The following USP34 variants were observed in gnomAD, a reference collection of about 807,000 sequenced individuals.
USP34 encodes ubiquitin specific peptidase 34, also known as ubiquitin carboxyl-terminal hydrolase 34.
In USP34, 70 loss-of-function variants were observed where a neutral mutation model predicts 460.3. The observed-to-expected ratio is 0.15, with a 90% CI of 0.13 to 0.19. The LOEUF is 0.19. USP34 is among the 10% of genes least tolerant of loss of function. The pLI, the probability that USP34 is intolerant of heterozygous loss-of-function variation, is 1.00. For synonymous variants in USP34, 1,647 were observed against 1,405.3 expected (o/e 1.17, Z -3.85); for missense variants, 3,985 against 4,236.2 (o/e 0.94, Z 1.65).
intron 34 of USP34, among the ~76,000 whole-genome samples, chr2:61,285,610 G>C (rs1161099362): frequency 1.3e-5 from 2 of 152,018 alleles, no homozygotes; most frequent in South Asian, 2.1e-4. Context: ...CACTGAACTG[G>C]GGGAAAGAAA....
Position 61,361,942 on chromosome 2 carries a change from G to C in USP34, c.1251+8379C>G, listed in dbSNP as rs962200561. ...AGGGGTTAATATCCAGAATATTTAA[G>C]AAACTCATACAACTCAATAGCAAAA... On this transcript the variant is annotated intron_variant, in intron 10 of 79. Coordinates refer to ENST00000398571, the MANE Select transcript of USP34 (RefSeq NM_014709.4). 4.0e-5 allele frequency among the ~76,000 whole-genome samples: 6 copies of C among 151,764 alleles called. No individual in the cohort carries two copies. In the East Asian group the frequency reaches 1.2e-3, roughly 29 times the overall value.
intron 49 of USP34, among the ~76,000 whole-genome samples, chr2:61,247,686 C>T (rs1688453627): frequency 6.6e-6 from 1 of 152,106 alleles, no homozygotes; most frequent in South Asian, 2.1e-4. Flanking sequence ...TGTCACTGCA[C>T]CTGTCTAATT....
intron 41 of USP34, among the ~76,000 whole-genome samples, chr2:61,275,214 G>A (rs772666145): frequency 4.6e-5 from 7 of 152,270 alleles, no homozygotes; most frequent in East Asian, 1.9e-4. Context: ...GGGAGGTGGA[G>A]GTTGCAGTGA....
chr2:61,193,359 G>GA (rs1431097635), intron 75 of USP34: 1 of 75,084 alleles, frequency 1.3e-5, no homozygotes, highest in Non-Finnish European at 2.4e-5. Context: ...GGGAGGAGGG[G>GA]AAAGGTAAAA....
At chr2:61,226,197 C>T (rs185049096) in intron 62 of USP34, among the ~76,000 whole-genome samples, 8 of 152,182 alleles carry the variant, frequency 5.3e-5, no homozygotes, top group African/African-American at 1.9e-4. Context: ...CAGCATACAC[C>T]GTGAAAAGTA....
chr2:61,269,694 C>T (rs1313805472), intron 41 of USP34, among the ~76,000 whole-genome samples: 1 of 152,108 alleles, frequency 6.6e-6, no homozygotes, highest in Non-Finnish European at 1.5e-5. Context: ...ACTCTGCTGG[C>T]TTGCAATCCA....
At chr2:61,253,295 C>T (rs989782445) in intron 48 of USP34, among the ~76,000 whole-genome samples, 3 of 152,210 alleles carry the variant, frequency 2.0e-5, no homozygotes, top group African/African-American at 7.2e-5. Flanking sequence ...TTATTCAATA[C>T]ATTTATTCCA....
intron 10 of USP34, among the ~76,000 whole-genome samples, chr2:61,351,659 A>G (rs1363313254): frequency 6.6e-6 from 1 of 152,192 alleles, no homozygotes; most frequent in Non-Finnish European, 1.5e-5. Context: ...GCATACACAT[A>G]TGAATTCTCT....
intron 75 of USP34, among the ~76,000 whole-genome samples, chr2:61,196,151 G>A (rs1355856528): frequency 7.1e-6 from 1 of 141,732 alleles, no homozygotes; most frequent in East Asian, 2.2e-4. Context: ...CGCGATCTCG[G>A]CTCACTGCAG....
At chr2:61,309,329 G>A (rs926373918) in intron 27 of USP34, among the ~76,000 whole-genome samples, 3 of 152,074 alleles carry the variant, frequency 2.0e-5, no homozygotes, top group Non-Finnish European at 4.4e-5. Flanking sequence ...CACACACAAA[G>A]ACAACCAATA....
chr2:61,377,815 A>G (rs1022725302), intron 8 of USP34, among the ~76,000 whole-genome samples: 2 of 152,214 alleles, frequency 1.3e-5, no homozygotes, highest in African/African-American at 4.8e-5. Context: ...TCAAGACTAA[A>G]TTCTCCAGTA....
chr2:61,466,435 A>G (rs564730497), intron 1 of USP34, among the ~76,000 whole-genome samples: 5 of 152,252 alleles, frequency 3.3e-5, no homozygotes, highest in Non-Finnish European at 7.4e-5. Context: ...CAAAAAAACA[A>G]TAATATATGA....
intron 33 of USP34, 99 bp from the exon 34 acceptor site, chr2:61,288,976 T>C (rs1410154487): frequency 5.9e-6 from 7 of 1,195,332 alleles, no homozygotes; most frequent in African/African-American, 3.1e-5. Flanking sequence ...AAAATAATTA[T>C]AGCTAGTACT....
At chr2:61,192,357 G>A (rs1261181514) in intron 76 of USP34, among the ~76,000 whole-genome samples, 1 of 152,202 alleles carries the variant, frequency 6.6e-6, no homozygotes, top group Non-Finnish European at 1.5e-5. Context: ...CATTATTTAT[G>A]CAGCCACTTA....
intron 3 of USP34, among the ~76,000 whole-genome samples, chr2:61,397,274 C>T (rs1693558259): frequency 6.6e-6 from 1 of 151,418 alleles, no homozygotes; most frequent in African/African-American, 2.4e-5. Context: ...GAAACCCTGT[C>T]TCTACTAAAA....
At chr2:61,247,133 G>T (rs918062175) in intron 49 of USP34, among the ~76,000 whole-genome samples, 3 of 152,048 alleles carry the variant, frequency 2.0e-5, no homozygotes, top group Non-Finnish European at 4.4e-5. Context: ...AAATATAAAG[G>T]TAATAAAAGA....
At chr2:61,232,587 G>A in intron 57 of USP34, 55 bp from the exon 58 acceptor site, 2 of 1,322,932 alleles carry the variant, frequency 1.5e-6, no homozygotes, top group Non-Finnish European at 2.1e-6. Context: ...TTGTTACATG[G>A]GATAACAGTC....
At chr2:61,458,106 T>C (rs1010005800) in intron 1 of USP34, among the ~76,000 whole-genome samples, 2 of 152,248 alleles carry the variant, frequency 1.3e-5, no homozygotes, top group African/African-American at 2.4e-5. Flanking sequence ...ATAGAACTGA[T>C]AGTCTCATAG....
intron 21 of USP34, among the ~76,000 whole-genome samples, 158 bp from the exon 22 acceptor site, chr2:61,319,485 C>T: frequency 6.6e-6 from 1 of 151,484 alleles, no homozygotes; most frequent in East Asian, 1.9e-4. Flanking sequence ...ACTAACTTTA[C>T]CATATGTTAA....
Sources: allele counts gnomAD v4.1 joint callset (sites outside exome capture counted in the v4.1 genomes callset), GRCh38; gene constraint gnomAD v4.1.1; transcripts MANE v1.5; gene names NCBI Gene and HGNC (gene_info 2026-07-23, HGNC 2026-07-21).